The following AGBL4 variants were observed in gnomAD, a reference collection of about 807,000 sequenced individuals.
AGBL4 encodes AGBL carboxypeptidase 4, also known as cytosolic carboxypeptidase 6.
A neutral mutation model predicts 66.4 loss-of-function variants in AGBL4; 58 were observed. The observed-to-expected ratio is 0.87, with a 90% confidence interval of 0.71 to 1.09. The LOEUF is 1.09. Ranked by LOEUF, AGBL4 falls within the 50% of genes least tolerant of loss-of-function variation. The pLI is 0.00. For missense variants in AGBL4, 579 were observed against 631.0 expected, an observed-to-expected ratio of 0.92 and a Z score of 0.88; for synonymous variants, 234 against 222.9, an observed-to-expected ratio of 1.05 and a Z score of -0.44.
At chr1:49,850,897 C>T (rs1646286511) in intron 2 of AGBL4, among the ~76,000 whole-genome samples, 1 of 152,028 alleles carries the variant, frequency 6.6e-6, no homozygotes, top group African/African-American at 2.4e-5. Flanking sequence ...CAATCAAGTC[C>T]TCATCTCCAC....
At chr1:49,310,344 T>C (rs1326278962) in intron 3 of AGBL4, among the ~76,000 whole-genome samples, 1 of 152,082 alleles carries the variant, frequency 6.6e-6, no homozygotes, top group South Asian at 2.1e-4. Context: ...TAGCAATAGA[T>C]TATCAGGAAG....
chr1:49,819,933 G>T lies in AGBL4; in HGVS notation c.157+31463C>A, dbSNP rs371168605. Among the ~76,000 whole-genome samples the T allele has an allele frequency of 3.3e-4, 50 of 152,208 alleles. 1 individual carries two copies. In the South Asian group the frequency reaches 9.5e-3, roughly 29 times the overall value. On this transcript the variant is annotated intron_variant, in intron 2 of 13. Coordinates refer to ENST00000371839, the MANE Select transcript of AGBL4 (RefSeq NM_032785.4). The stretch of plus-strand genomic sequence containing the variant: ...ATTCCAGGAATGGTGGGAGGAAGAG[G>T]TGCTCCCTGGCAATCCTCAGTAATA...
intron 9 of AGBL4, among the ~76,000 whole-genome samples, chr1:48,614,270 C>A (rs1174541205): frequency 6.6e-6 from 1 of 152,184 alleles, no homozygotes; most frequent in Non-Finnish European, 1.5e-5. Context: ...GTAATAAATG[C>A]CAAATGAATC....
At chr1:49,552,423 G>C (rs532865801) in intron 3 of AGBL4, among the ~76,000 whole-genome samples, 1 of 152,310 alleles carries the variant, frequency 6.6e-6, no homozygotes, top group East Asian at 1.9e-4. Context: ...ATGAGTCCCT[G>C]TGGTGCCAGA....
chr1:49,723,602 C>T (rs1648772978), intron 2 of AGBL4, among the ~76,000 whole-genome samples: 1 of 152,146 alleles, frequency 6.6e-6, no homozygotes, highest in Non-Finnish European at 1.5e-5. Flanking sequence ...CAAGCTATGT[C>T]TGGTCATCAA....
intron 4 of AGBL4, among the ~76,000 whole-genome samples, chr1:49,224,616 CAAAAA>C (rs377573639): frequency 5.4e-5 from 4 of 74,730 alleles, no homozygotes; most frequent in Non-Finnish European, 2.5e-5. Flanking sequence ...GACTCCCTCT[CAAAAA>C]AAAAAAAAAA....
At chr1:49,275,198 G>C (rs1199856936) in intron 3 of AGBL4, among the ~76,000 whole-genome samples, 1 of 152,152 alleles carries the variant, frequency 6.6e-6, no homozygotes, top group Non-Finnish European at 1.5e-5. Context: ...ACTTCACAGA[G>C]CTAATAAAAA....
intron 5 of AGBL4, among the ~76,000 whole-genome samples, chr1:48,996,598 C>T (rs1661011879): frequency 6.6e-6 from 1 of 152,028 alleles, no homozygotes; most frequent in Admixed American, 6.5e-5. Flanking sequence ...GGGAAATGAC[C>T]ATTAGAATTG....
intron 1 of AGBL4, among the ~76,000 whole-genome samples, chr1:50,006,667 A>G (rs2148428740): frequency 8.4e-6 from 1 of 118,944 alleles, no homozygotes; most frequent in South Asian, 2.6e-4. Flanking sequence ...TAAAGTGTAG[A>G]AGGGAAAAAA....
intron 4 of AGBL4, among the ~76,000 whole-genome samples, chr1:49,167,810 T>C (rs1646661431): frequency 1.3e-5 from 2 of 152,234 alleles, no homozygotes; most frequent in Admixed American, 1.3e-4. Context: ...TCATCATCTG[T>C]CTGCACATGA....
At chr1:49,776,256 A>T (rs188176788) in intron 2 of AGBL4, among the ~76,000 whole-genome samples, 2 of 152,244 alleles carry the variant, frequency 1.3e-5, no homozygotes, top group Admixed American at 1.3e-4. Flanking sequence ...TGTTGTCCAC[A>T]GGCTACCTTT....
At chr1:49,926,462 T>C (rs1265906202) in intron 1 of AGBL4, among the ~76,000 whole-genome samples, 1 of 152,020 alleles carries the variant, frequency 6.6e-6, no homozygotes, top group African/African-American at 2.4e-5. Flanking sequence ...CAACAAAAAA[T>C]ATGTAACTCT....
At chr1:49,176,661 G>C (rs140603227) in intron 4 of AGBL4, among the ~76,000 whole-genome samples, 2 of 152,196 alleles carry the variant, frequency 1.3e-5, no homozygotes, top group East Asian at 3.9e-4. Flanking sequence ...CTTCTAATGA[G>C]AGTTATTTCT....
At chr1:48,648,607 C>G (rs1221457631) in intron 8 of AGBL4, among the ~76,000 whole-genome samples, 1 of 152,146 alleles carries the variant, frequency 6.6e-6, no homozygotes, top group East Asian at 1.9e-4. Context: ...GGGAGTGTGG[C>G]GAGTCCCTGG....
At position 49,889,331 on chromosome 1, in the gene AGBL4, C is replaced by A. The variant is rs539099108; in HGVS notation, c.35-37813G>T. Among the ~76,000 whole-genome samples the A allele has an allele frequency of 2.4e-4, 37 of 152,204 alleles. No individual in the cohort carries two copies. The South Asian group carries it at 5.0e-3, about 20-fold the overall frequency. On this transcript the variant is annotated intron_variant, in intron 1 of 13. Coordinates refer to ENST00000371839, the MANE Select transcript of AGBL4 (RefSeq NM_032785.4). ...TTCAGCCAGGAGTGACAGAGCAAGA[C>A]CCTGTCTTAAATAAATAAATAAGCA...
At chr1:49,759,092 T>C (rs1447938670) in intron 2 of AGBL4, among the ~76,000 whole-genome samples, 6 of 152,216 alleles carry the variant, frequency 3.9e-5, no homozygotes, top group African/African-American at 1.4e-4. Flanking sequence ...CTCTCTTGCC[T>C]GCCTCCATGT....
At chr1:49,781,562 T>C (rs990524344) in intron 2 of AGBL4, among the ~76,000 whole-genome samples, 2 of 152,066 alleles carry the variant, frequency 1.3e-5, no homozygotes, top group African/African-American at 4.8e-5. Context: ...GGGACTGCAA[T>C]ACGCCATTTT....
intron 3 of AGBL4, among the ~76,000 whole-genome samples, chr1:49,251,062 T>G (rs760701967): frequency 1.3e-5 from 2 of 152,128 alleles, no homozygotes; most frequent in Non-Finnish European, 2.9e-5. Context: ...TGGTCCAATA[T>G]GAACACCCTA....
At position 49,196,353 on chromosome 1, in the gene AGBL4, TTTTG is replaced by T. The variant is rs1412337846; in HGVS notation, c.377+49413_377+49416del. Among the ~76,000 whole-genome samples the T allele has an allele frequency of 3.3e-5, 5 of 152,148 alleles. No individual in the cohort carries two copies. In the East Asian group the frequency reaches 7.7e-4, roughly 23 times the overall value. ...TTAATGAATTTTTCATTTTCAGAAGTTTTGTTTGTTTGTTTGAATATATCTGTCT... is the reference window on the plus strand; with the variant it reads ...TTAATGAATTTTTCATTTTCAGAAGTTTTGTTTGTTTGAATATATCTGTCT... On this transcript the variant is annotated intron_variant, in intron 4 of 13. Coordinates refer to ENST00000371839, the MANE Select transcript of AGBL4 (RefSeq NM_032785.4).
Sources: gnomAD v4.1 joint callset for allele counts (sites outside exome capture counted in the v4.1 genomes callset) on GRCh38, gnomAD v4.1.1 for gene constraint, MANE v1.5 for transcripts, NCBI Gene and HGNC (gene_info 2026-07-23, HGNC 2026-07-21) for gene names.